The following SLC37A3 variants were observed in gnomAD, a reference collection of about 807,000 sequenced individuals.
SLC37A3 encodes sugar phosphate exchanger 3.
In SLC37A3, 51 loss-of-function variants were observed where a neutral mutation model predicts 67.1. The observed-to-expected ratio is 0.76, with a 90% CI of 0.61 to 0.96. The LOEUF (loss-of-function observed/expected upper bound fraction) is 0.96, where lower values mean the gene tolerates loss of function less well. SLC37A3 is among the 40% of genes least tolerant of loss of function. SLC37A3 has a pLI of 0.00. For missense variants in SLC37A3, 508 were observed against 603.0 expected (o/e 0.84, Z 1.65); for synonymous variants, 214 against 231.4 (o/e 0.92, Z 0.68).
At position 140,337,269 on chromosome 7, in the gene SLC37A3, G is replaced by A; in HGVS notation, c.1392+15C>T. The A allele has an allele frequency of 2.0e-6, 3 of 1,531,740 alleles. No individual in the cohort carries two copies. The highest frequency in any genetic ancestry group is 1.3e-5 in the South Asian group (1 of 77,602). 94.9% of individuals were successfully genotyped at this position (1,531,740 alleles called of 1,614,324 possible). A position where few individuals can be genotyped will look rare whatever the true frequency, so the allele number is the denominator to read the frequency against. ...GAAAAATGACTTTTTTTTTTTTAAA[G>A]GGGCACACACTTACCATGAGAATGA... On this transcript the variant is annotated intron_variant, in intron 14 of 14. Transcript: ENST00000326232.
chr7:140,388,024 T>C (rs1263547227), intron 1 of SLC37A3, among the ~76,000 whole-genome samples: 1 of 144,472 alleles, frequency 6.9e-6, no homozygotes. Flanking sequence ...CACCATATTG[T>C]ACAATAGATC....
At chr7:140,362,316 A>G (rs1349423045) in intron 5 of SLC37A3, among the ~76,000 whole-genome samples, 1 of 124,892 alleles carries the variant, frequency 8.0e-6, no homozygotes, top group African/African-American at 3.1e-5. Context: ...CTGCCTGGCA[A>G]CCGCCCCGTC....
chr7:140,355,627 G>A, intron 7 of SLC37A3, 41 bp downstream of exon 7: 1 of 584,702 alleles, frequency 1.7e-6, no homozygotes, highest in South Asian at 4.1e-5. Context: ...TGTGCACACA[G>A]AGAGAGAGAG....
At chr7:140,375,773 A>G (rs549728070) in intron 3 of SLC37A3, among the ~76,000 whole-genome samples, 2 of 152,234 alleles carry the variant, frequency 1.3e-5, no homozygotes, top group Non-Finnish European at 2.9e-5. Context: ...TCTGGCACCA[A>G]TCTGGTTACT....
At chr7:140,372,878 A>G (rs532530122) in intron 3 of SLC37A3, among the ~76,000 whole-genome samples, 18 of 151,836 alleles carry the variant, frequency 1.2e-4, no homozygotes, top group Admixed American at 5.2e-4. Context: ...AAAAAAAGCC[A>G]GTGTCACGTA....
At chr7:140,387,809 A>AATATAAATATATTATATAT (rs1563053621) in intron 1 of SLC37A3, among the ~76,000 whole-genome samples, 1 of 2,356 alleles carries the variant, frequency 4.2e-4, no homozygotes, top group African/African-American at 9.6e-4. Flanking sequence ...TATTATACAT[A>AATATAAATATATTATATAT]AATATAAATA....
At chr7:140,379,740 AAAG>A (rs1798174418) in intron 3 of SLC37A3, 2 of 151,944 alleles carry the variant, frequency 1.3e-5, no homozygotes, top group African/African-American at 2.4e-5. Flanking sequence ...AAAAAAAAAA[AAAG>A]ATTAGCTGGG....
chr7:140,336,780 C>T (rs1246319740), intron 14 of SLC37A3, among the ~76,000 whole-genome samples: 1 of 152,054 alleles, frequency 6.6e-6, no homozygotes, highest in Non-Finnish European at 1.5e-5. Flanking sequence ...CAAGAGCAAA[C>T]TGAGAGCCTT....
rs370490089 is a variant in SLC37A3, at chr7:140,345,212, G to A, written c.1174+4C>T. On this transcript the variant is annotated splice_donor_region_variant and intron_variant, in intron 12 of 14. Coordinates refer to ENST00000326232, the MANE Select transcript of SLC37A3 (RefSeq NM_207113.3). ...GCATGGTGGAGCAGAGCCATGTGCC[G>A]TACCTGTAACAGTCATCAGAAGGGC... 43 of 1,612,662 alleles carry A rather than the reference G, an allele frequency of 2.7e-5. No homozygotes were observed. The highest frequency in any genetic ancestry group is 3.3e-5 in the Admixed American group (2 of 59,984).
At chr7:140,359,114 A>G (rs534147852) in intron 5 of SLC37A3, among the ~76,000 whole-genome samples, 1 of 151,948 alleles carries the variant, frequency 6.6e-6, no homozygotes, top group Non-Finnish European at 1.5e-5. Flanking sequence ...GAGGCCGAGG[A>G]GGGCAGATCA....
intron 9 of SLC37A3, 75 bp downstream of exon 9, chr7:140,351,198 G>T: frequency 3.5e-6 from 5 of 1,425,460 alleles, no homozygotes; most frequent in African/African-American, 1.4e-5. Flanking sequence ...ACTTAAGGAA[G>T]CTTTATCTCA....
intron 5 of SLC37A3, among the ~76,000 whole-genome samples, chr7:140,363,998 T>C (rs973352125): frequency 2.0e-5 from 3 of 152,214 alleles, no homozygotes; most frequent in Non-Finnish European, 4.4e-5. Flanking sequence ...GGCTCATGCC[T>C]GTAATCCCAG....
chr7:140,352,956 C>T (rs945790563), intron 7 of SLC37A3, among the ~76,000 whole-genome samples: 7 of 152,032 alleles, frequency 4.6e-5, no homozygotes, highest in African/African-American at 1.7e-4. Flanking sequence ...AGAAGGTGAA[C>T]TGAAATTTTC....
chr7:140,351,277 A>G lies in SLC37A3; in HGVS notation c.878T>C (p.Ile293Thr), dbSNP rs1349059607. 1 of 1,613,792 alleles carries G rather than the reference A, an allele frequency of 6.2e-7. No homozygotes were observed. The highest frequency in any genetic ancestry group is 8.5e-7 in the Non-Finnish European group (1 of 1,179,868). ...FYQACCLPGV[I>T]PYSLAYACLK... ...TAAGATGTAAGCGGTCCTTACCGGT[A>G]TGACTCCAGGAAGGCAACATGCCTG... The change falls in exon 9 of 15, where the codon ATA becomes ACA. Residue 293 changes from isoleucine (I) to threonine (T), a missense_variant. Transcript: ENST00000326232.
At chr7:140,386,306 G>A (rs1798447468) in intron 1 of SLC37A3, among the ~76,000 whole-genome samples, 1 of 151,964 alleles carries the variant, frequency 6.6e-6, no homozygotes, top group Admixed American at 6.6e-5. Context: ...CTGGCCTCGG[G>A]GAATCCTTCC....
intron 1 of SLC37A3, among the ~76,000 whole-genome samples, chr7:140,392,064 T>C (rs1001775493): frequency 3.3e-5 from 5 of 151,966 alleles, no homozygotes; most frequent in Non-Finnish European, 7.4e-5. Context: ...CTGCAACATT[T>C]TGGTGGCCTG....
At chr7:140,351,845 T>C in intron 8 of SLC37A3, 1 of 647,606 alleles carries the variant, frequency 1.5e-6, no homozygotes, top group East Asian at 2.8e-5. Context: ...TTCCTGTATC[T>C]ATAAAAGACG....
In SLC37A3 at chr7:140,382,534, C is replaced by T. The variant is rs751830994; in HGVS notation, c.-8G>A. The T allele has an allele frequency of 2.5e-6, 4 of 1,613,516 alleles. No individual in the cohort carries two copies. In the South Asian group the frequency reaches 4.4e-5, roughly 18 times the overall value. On this transcript the variant is annotated 5_prime_UTR_variant, in exon 2 of 15. Transcript: ENST00000326232. ...AACATTTGGCCAGGCCATGTTCTTC[C>T]TGACCTTCCTTCTCACCTTTGACCT...
intron 6 of SLC37A3, among the ~76,000 whole-genome samples, 178 bp from the exon 7 acceptor site, chr7:140,355,942 C>T (rs956649019): frequency 6.6e-6 from 1 of 152,148 alleles, no homozygotes; most frequent in African/African-American, 2.4e-5. Flanking sequence ...CACCTGTAAT[C>T]CCAGTACTTT....
Sources: allele counts gnomAD v4.1 joint callset (sites outside exome capture counted in the v4.1 genomes callset), GRCh38; gene constraint gnomAD v4.1.1; transcripts MANE v1.5; gene names NCBI Gene and HGNC (gene_info 2026-07-23, HGNC 2026-07-21).